CSPP1: variants seen among roughly 807,000 people sequenced by gnomAD.
The protein encoded by CSPP1 is centrosome and spindle pole associated protein 1.
In CSPP1, 126 loss-of-function variants were observed where a neutral mutation model predicts 164.4. That is an observed-to-expected ratio of 0.77 (90% CI 0.66 to 0.89). The LOEUF (loss-of-function observed/expected upper bound fraction) is 0.89, where lower values mean the gene tolerates loss of function less well. Among genes scored for constraint, CSPP1 ranks in the 40% least tolerant of loss-of-function variants. The pLI is 0.00. For missense variants in CSPP1, 1,395 were observed against 1,449.8 expected, an observed-to-expected ratio of 0.96 and a Z score of 0.61; for synonymous variants, 472 against 476.7, an observed-to-expected ratio of 0.99 and a Z score of 0.13.
intron 1 of CSPP1, among the ~76,000 whole-genome samples, chr8:67,070,547 A>G (rs1806531497): frequency 6.6e-6 from 1 of 151,506 alleles, no homozygotes. Flanking sequence ...AACATGGAGG[A>G]TCACTTGAGC....
chr8:67,073,697 C>T (rs1434009091), intron 1 of CSPP1, among the ~76,000 whole-genome samples: 1 of 152,034 alleles, frequency 6.6e-6, no homozygotes, highest in Admixed American at 6.6e-5. Flanking sequence ...CACTGAAGAG[C>T]TTAGGGGCAA....
intron 9 of CSPP1, among the ~76,000 whole-genome samples, chr8:67,109,370 G>A (rs1389105151): frequency 1.3e-5 from 2 of 152,122 alleles, no homozygotes; most frequent in African/African-American, 4.8e-5. Flanking sequence ...CTAAATTCAG[G>A]GAGGGCCCAG....
At chr8:67,122,076 C>T (rs1281896328) in intron 15 of CSPP1, among the ~76,000 whole-genome samples, 1 of 151,506 alleles carries the variant, frequency 6.6e-6, no homozygotes, top group African/African-American at 2.4e-5. Context: ...TCATTCTTCC[C>T]ATCACAGAAT....
chr8:67,107,047 G>GT (rs759446682), intron 9 of CSPP1, among the ~76,000 whole-genome samples: 1,785 of 141,896 alleles, frequency 0.013, 24 homozygotes, highest in African/African-American at 0.036. Context: ...CTTATGTTTT[G>GT]TTTTTTTTTT....
intron 16 of CSPP1, 73 bp from the exon 17 acceptor site, chr8:67,137,383 C>A: frequency 2.6e-5 from 28 of 1,081,432 alleles, no homozygotes; most frequent in South Asian, 2.3e-4. Context: ...CAAAAAATAA[C>A]ATCTGGTATT....
chr8:67,121,661 G>A (rs1039778923), intron 15 of CSPP1, among the ~76,000 whole-genome samples: 5 of 152,138 alleles, frequency 3.3e-5, no homozygotes, highest in Non-Finnish European at 5.9e-5. Context: ...TAAGCATAAT[G>A]TTGGGCTTAT....
chr8:67,116,470 A>C (rs1817956941), intron 13 of CSPP1, among the ~76,000 whole-genome samples: 1 of 152,192 alleles, frequency 6.6e-6, no homozygotes, highest in South Asian at 2.1e-4. Flanking sequence ...CTTGGCAAAC[A>C]TTGAATTCTT....
At chr8:67,161,758 T>G (rs527739946) in intron 21 of CSPP1, 53 bp from the exon 22 acceptor site, 78 of 910,560 alleles carry the variant, frequency 8.6e-5, no homozygotes, top group Non-Finnish European at 1.4e-4. Flanking sequence ...TGTGTATATA[T>G]GTGTGTGAGT....
intron 24 of CSPP1, among the ~76,000 whole-genome samples, chr8:67,171,079 C>T (rs1367347331): frequency 6.7e-6 from 1 of 148,232 alleles, no homozygotes; most frequent in African/African-American, 2.5e-5. Context: ...AGCTACTGTG[C>T]CCGGCCAATT....
rs1812071155 is a variant in CSPP1, at chr8:67,093,565, A to G, written c.407A>G (p.Asn136Ser). Residue 136 changes from asparagine (N) to serine (S), a missense_variant, in exon 6 of 31, where the codon AAC becomes AGC. By Grantham distance (46) the Asn-to-Ser change is conservative. Coordinates refer to ENST00000678616, the MANE Select transcript of CSPP1 (RefSeq NM_001382391.1). ...AAGGAAAGGTTGAAACTTGAACGTA[A>G]CAAAGAATACAATCAGTTTCTCAGG... is the stretch of plus-strand genomic sequence containing the variant. ...SAKERLKLERNKEYNQFLRGK... is the reference protein window; with the variant it reads ...SAKERLKLERSKEYNQFLRGK... 6.2e-7 allele frequency: 1 copy of G among 1,609,686 alleles called. No homozygotes were observed. The highest frequency in any genetic ancestry group is 1.1e-5 in the South Asian group (1 of 90,418).
chr8:67,067,853 C>CTT (rs1238441914), intron 1 of CSPP1, among the ~76,000 whole-genome samples: 4 of 137,106 alleles, frequency 2.9e-5, no homozygotes, highest in Admixed American at 7.3e-5. Context: ...CTGTTGATTT[C>CTT]TTTTTTTTTT....
At chr8:67,126,458 T>G (rs1278845482) in intron 15 of CSPP1, among the ~76,000 whole-genome samples, 2 of 152,176 alleles carry the variant, frequency 1.3e-5, no homozygotes. Context: ...GAAGTCTCTG[T>G]TAGGATAGCT....
Position 67,074,329 on chromosome 8 carries a change from A to C in CSPP1, c.77A>C (p.Asp26Ala). Reference protein sequence around the residue: ...LAEDKAELESDPPYMEMKGKL... With the variant: ...LAEDKAELESAPPYMEMKGKL... ...GAAGACAAAGCAGAGTTGGAAAGTG[A>C]TCCACCTTACATGGAAATGAAGGTA... Residue 26 changes from aspartate to alanine, a missense_variant, in exon 2 of 31, where the codon GAT (aspartate) becomes GCT (alanine). Coordinates refer to ENST00000678616, the MANE Select transcript of CSPP1 (RefSeq NM_001382391.1). 6.2e-7 allele frequency: 1 copy of C among 1,605,302 alleles called. No homozygotes were observed. The highest frequency in any genetic ancestry group is 8.5e-7 in the Non-Finnish European group (1 of 1,173,976).
At chr8:67,185,886 G>A (rs1378455244) in intron 28 of CSPP1, among the ~76,000 whole-genome samples, 2 of 151,984 alleles carry the variant, frequency 1.3e-5, no homozygotes, top group African/African-American at 4.8e-5. Flanking sequence ...AGATCAAAAG[G>A]ACAAGAATCC....
chr8:67,122,501 G>C (rs1311922901), intron 15 of CSPP1, among the ~76,000 whole-genome samples: 1 of 152,028 alleles, frequency 6.6e-6, no homozygotes, highest in Non-Finnish European at 1.5e-5. Context: ...TGGTTATTTT[G>C]AAATGTGTTG....
In CSPP1 at chr8:67,154,113, T is replaced by C; in HGVS notation, c.2218T>C (p.Tyr740His). Residue 740 changes from tyrosine (Y) to histidine (H), a missense_variant, in exon 19 of 31, where the codon TAC (tyrosine) becomes CAC (histidine). Coordinates refer to ENST00000678616, the MANE Select transcript of CSPP1 (RefSeq NM_001382391.1). ...TELQIKQQEL[Y>H]KNFLRFQIEE... ...ACTTCAGATTAAACAGCAAGAATTA[T>C]ACAAGAATTTTCTTCGTTTCCAGGT... is the stretch of plus-strand genomic sequence containing the variant. The C allele has an allele frequency of 6.4e-7, 1 of 1,561,866 alleles. No individual in the cohort carries two copies.
intron 27 of CSPP1, among the ~76,000 whole-genome samples, chr8:67,179,311 G>T (rs1396646559): frequency 6.6e-6 from 1 of 152,010 alleles, no homozygotes; most frequent in Non-Finnish European, 1.5e-5. Context: ...GGCAATTGCT[G>T]TCACATAGGG....
intron 24 of CSPP1, 25 bp from the exon 25 acceptor site, chr8:67,172,391 A>G (rs1199767274): frequency 1.3e-6 from 2 of 1,590,594 alleles, no homozygotes; most frequent in Non-Finnish European, 1.7e-6. Flanking sequence ...TGAAGCACAT[A>G]TTATGATTTG....
intron 9 of CSPP1, among the ~76,000 whole-genome samples, chr8:67,108,051 C>T (rs1816001907): frequency 7.7e-6 from 1 of 129,588 alleles, no homozygotes; most frequent in Non-Finnish European, 1.5e-5. Context: ...TTAGTATGTA[C>T]TTGAAAGAAT....
Sources: gnomAD v4.1 joint callset for allele counts (sites outside exome capture counted in the v4.1 genomes callset) on GRCh38, gnomAD v4.1.1 for gene constraint, MANE v1.5 for transcripts, NCBI Gene and HGNC (gene_info 2026-07-23, HGNC 2026-07-21) for gene names.